Variants in CSRP2 observed in about 807,000 individuals in gnomAD.
CSRP2 encodes the protein cysteine and glycine-rich protein 2.
Under a neutral mutation model 24.6 loss-of-function variants are expected in CSRP2, and 18 were observed. That is an observed-to-expected ratio of 0.73 (90% CI 0.51 to 1.09). The LOEUF (loss-of-function observed/expected upper bound fraction) is 1.09, where lower values mean the gene tolerates loss of function less well. CSRP2 is among the 50% of genes least tolerant of loss of function. The probability of loss-of-function intolerance (pLI) is 0.00; values close to 1 mark genes in which losing one functional copy is unlikely to be tolerated. For missense variants in CSRP2, 215 were observed against 239.4 expected, an observed-to-expected ratio of 0.90 and a Z score of 0.67; for synonymous variants, 87 against 84.3, an observed-to-expected ratio of 1.03 and a Z score of -0.18.
chr12:76,876,011 G>A (rs1953848540), intron 1 of CSRP2, among the ~76,000 whole-genome samples: 1 of 152,122 alleles, frequency 6.6e-6, no homozygotes, highest in South Asian at 2.1e-4. Context: ...CTAAACCCCT[G>A]GTAGCAATAC....
intron 5 of CSRP2, 50 bp downstream of exon 5, chr12:76,859,497 A>T (rs764533599): frequency 8.2e-7 from 1 of 1,224,554 alleles, no homozygotes; most frequent in East Asian, 2.4e-5. Context: ...ATTAAACAAG[A>T]ACCAGTGTGG....
At chr12:76,859,526 A>G (rs372307746) in intron 5 of CSRP2, 21 bp downstream of exon 5, 6 of 1,491,470 alleles carry the variant, frequency 4.0e-6, no homozygotes, top group Non-Finnish European at 5.6e-6. Context: ...TATGGACAGC[A>G]GTAACTGAAA....
At position 76,859,616 on chromosome 12, in the gene CSRP2, A is replaced by G. The variant is rs764859939; in HGVS notation, c.436T>C (p.Cys146Arg). The G allele has an allele frequency of 6.8e-6, 11 of 1,612,314 alleles. No homozygotes were observed. The highest frequency in any genetic ancestry group is 1.3e-5 in the African/African-American group (1 of 74,836). The change falls in exon 5 of 6, where the codon TGT (cysteine) becomes CGT (arginine). Residue 146 changes from cysteine to arginine, a missense_variant. Transcript: ENST00000311083. ...TCAAGACTCTTCCCACACTTTGCAC[A>G]TCGGAAACAGTTTTTGTGCCAGGGC... The part of the protein sequence containing the change: ...GKPWHKNCFR[C>R]AKCGKSLEST...
At chr12:76,868,294 C>T (rs539441888) in intron 1 of CSRP2, among the ~76,000 whole-genome samples, 11 of 152,216 alleles carry the variant, frequency 7.2e-5, no homozygotes, top group Non-Finnish European at 7.4e-5. Flanking sequence ...GTGTCCCCAC[C>T]GAAATCTCAT....
intron 1 of CSRP2, among the ~76,000 whole-genome samples, chr12:76,873,712 T>C (rs2137837375): frequency 6.6e-6 from 1 of 152,346 alleles, no homozygotes; most frequent in South Asian, 2.1e-4. Flanking sequence ...GGGACTCAAA[T>C]GATAGTATCA....
intron 1 of CSRP2, among the ~76,000 whole-genome samples, chr12:76,866,801 ATTTG>A (rs1953740466): frequency 1.3e-5 from 2 of 152,278 alleles, no homozygotes; most frequent in African/African-American, 2.4e-5. Context: ...CAAGTTTTAT[ATTTG>A]TTTGCTGAAA....
At chr12:76,873,932 G>C (rs570441135) in intron 1 of CSRP2, among the ~76,000 whole-genome samples, 3 of 152,152 alleles carry the variant, frequency 2.0e-5, no homozygotes, top group Admixed American at 2.0e-4. Flanking sequence ...TGTTTATGAA[G>C]CTCTCATATA....
chr12:76,873,308 T>A (rs1481597653), intron 1 of CSRP2, among the ~76,000 whole-genome samples: 1 of 152,236 alleles, frequency 6.6e-6, no homozygotes, highest in Non-Finnish European at 1.5e-5. Context: ...ACTGTCCCGT[T>A]ACGATGACTT....
intron 3 of CSRP2, chr12:76,861,086 G>C (rs954247483): frequency 6.6e-6 from 1 of 151,564 alleles, no homozygotes; most frequent in African/African-American, 2.4e-5. Flanking sequence ...CATATTTCTT[G>C]CTATCAGTAG....
rs1367626860 is a variant in CSRP2, at chr12:76,859,001, T to A, written c.533A>T (p.Lys178Met). ...TGCTCCTTGGCCATAGCCAAATCCC[T>A]TGGGCCCAAAGTTCTTTGCATAGCA... The part of the protein sequence containing the change: ...KGCYAKNFGP[K>M]GFGYGQGAGA... The change falls in exon 6 of 6, where the codon AAG becomes ATG. Residue 178 changes from lysine to methionine, a missense_variant. Transcript: ENST00000311083. The A allele has an allele frequency of 6.2e-7, 1 of 1,614,224 alleles. No homozygotes were observed. The highest frequency in any genetic ancestry group is 1.1e-5 in the South Asian group (1 of 91,086).
intron 3 of CSRP2, chr12:76,862,837 T>A: frequency 2.6e-6 from 4 of 1,518,132 alleles, no homozygotes; most frequent in Non-Finnish European, 3.5e-6. Context: ...CCTCTCATGA[T>A]TCACACAGCA....
At chr12:76,859,852 T>TA (rs1264655709) in intron 4 of CSRP2, among the ~76,000 whole-genome samples, 3 of 152,220 alleles carry the variant, frequency 2.0e-5, no homozygotes, top group African/African-American at 7.2e-5. Flanking sequence ...GCCTCAGTCC[T>TA]AACCACAAGC....
intron 1 of CSRP2, among the ~76,000 whole-genome samples, chr12:76,870,262 A>C (rs1953783778): frequency 6.6e-6 from 1 of 152,240 alleles, no homozygotes; most frequent in African/African-American, 2.4e-5. Context: ...GCTGTCTTTG[A>C]ATAACACTTA....
At chr12:76,875,935 A>G (rs1441413498) in intron 1 of CSRP2, among the ~76,000 whole-genome samples, 1 of 152,200 alleles carries the variant, frequency 6.6e-6, no homozygotes, top group Non-Finnish European at 1.5e-5. Flanking sequence ...AAAATTATCA[A>G]TTCAACTTAA....
chr12:76,869,543 C>CACAT (rs1251168410), intron 1 of CSRP2, among the ~76,000 whole-genome samples: 10 of 126,000 alleles, frequency 7.9e-5, no homozygotes, highest in South Asian at 2.5e-4. Flanking sequence ...CACACACACA[C>CACAT]ACACACACAC....
At chr12:76,862,656 A>C in intron 3 of CSRP2, 1 of 1,031,248 alleles carries the variant, frequency 9.7e-7, no homozygotes, top group East Asian at 3.1e-5. Context: ...TTGGCAACAA[A>C]GCCTTTAAAG....
chr12:76,860,134 A>T, intron 4 of CSRP2, 150 bp downstream of exon 4: 2 of 846,676 alleles, frequency 2.4e-6, no homozygotes, highest in South Asian at 2.3e-5. Context: ...CAAAAAAGTT[A>T]ATGATTCTGA....
chr12:76,862,817 A>C, intron 3 of CSRP2: 1 of 1,493,906 alleles, frequency 6.7e-7, no homozygotes, highest in Non-Finnish European at 8.8e-7. Flanking sequence ...TACATTGCAC[A>C]TGAGAAACAC....
intron 2 of CSRP2, among the ~76,000 whole-genome samples, chr12:76,865,517 G>A (rs1953725539): frequency 6.6e-6 from 1 of 152,176 alleles, no homozygotes; most frequent in Non-Finnish European, 1.5e-5. Context: ...TGAGAAAGAA[G>A]TCTTTTCCTG....
Sources: gnomAD v4.1 joint callset for allele counts (sites outside exome capture counted in the v4.1 genomes callset) on GRCh38, gnomAD v4.1.1 for gene constraint, MANE v1.5 for transcripts, NCBI Gene and HGNC (gene_info 2026-07-23, HGNC 2026-07-21) for gene names.